The following TRAPPC14 variants were observed in gnomAD, a reference collection of about 807,000 sequenced individuals.
The protein encoded by TRAPPC14 is microtubule associated protein 11.
A neutral mutation model predicts 56.6 loss-of-function variants in TRAPPC14; 24 were observed. The observed-to-expected ratio is 0.42, with a 90% CI of 0.31 to 0.60. The LOEUF is 0.60. Among genes scored for constraint, TRAPPC14 ranks in the 20% least tolerant of loss-of-function variants. TRAPPC14 has a pLI of 0.14. For missense variants in TRAPPC14, 615 were observed against 790.3 expected, an observed-to-expected ratio of 0.78 and a Z score of 2.66; for synonymous variants, 377 against 347.0, an observed-to-expected ratio of 1.09 and a Z score of -0.96.
Position 100,158,070 on chromosome 7 carries a change from G to GT in TRAPPC14, c.411+18dup. ...AAACCGCCCCTCCGTCCTGTGCCAG[G>GT]TCCCCCAAAGCTCCTCACCGTGGTC... On this transcript the variant is annotated intron_variant, in intron 1 of 10. Coordinates refer to ENST00000316937, the MANE Select transcript of TRAPPC14 (RefSeq NM_018275.5). The GT allele has an allele frequency of 6.9e-7, 1 of 1,441,098 alleles. No homozygotes were observed. The highest frequency in any genetic ancestry group is 9.2e-7 in the Non-Finnish European group (1 of 1,089,328). The allele number at this position is 1,441,098 out of a possible 1,614,324, so 89.3% of individuals were successfully genotyped here. A position where few individuals can be genotyped will look rare whatever the true frequency, so the allele number is the denominator to read the frequency against.
chr7:100,155,791 C>A lies in TRAPPC14; in HGVS notation c.1275G>T (p.Met425Ile). The part of the protein sequence containing the change: ...KQLCEEERRA[M>I]QAALDSVVCH... ...AGACGACGGAGTCCAGGGCAGCCTGCATGGCCCGGCGCTCCTCCTCACACA... is the reference window on the plus strand; with the variant it reads ...AGACGACGGAGTCCAGGGCAGCCTGAATGGCCCGGCGCTCCTCCTCACACA... The change falls in exon 9 of 11, where the codon ATG (methionine) becomes ATT (isoleucine). Residue 425 changes from methionine (M) to isoleucine (I), a missense_variant. Physicochemically the swap from Met to Ile is conservative, Grantham distance 10 (BLOSUM62 1). Transcript: ENST00000316937. 1 of 1,614,228 alleles carries A rather than the reference C, an allele frequency of 6.2e-7. No homozygotes were observed. Among genetic ancestry groups the A allele is most frequent in the Non-Finnish European group, 8.5e-7 (1 of 1,180,038 alleles).
chr7:100,158,159 C>A lies in TRAPPC14; in HGVS notation c.341G>T (p.Gly114Val). 12 of 1,460,884 alleles carry A rather than the reference C, an allele frequency of 8.2e-6. No homozygotes were observed. Among genetic ancestry groups the A allele is most frequent in the Non-Finnish European group, 1.1e-5 (12 of 1,114,478 alleles). 90.5% of individuals were successfully genotyped at this position (1,460,884 alleles called of 1,614,324 possible). The change falls in exon 1 of 11, where the codon GGT (glycine) becomes GTT (valine). Residue 114 changes from glycine (G) to valine (V), a missense_variant. By Grantham distance (109) the Gly-to-Val change is moderately radical. Transcript: ENST00000316937. Reference sequence around the variant, plus strand: ...AAGGGGGCTGCAGCCTCGGAACAAACCCCCACCCCCAGGATCCCCTCCCCC... The same window carrying A: ...AAGGGGGCTGCAGCCTCGGAACAAAACCCCACCCCCAGGATCCCCTCCCCC... ...PPGGGDPGGG[G>V]LFRGCSPLLT... is the part of the protein sequence containing the mutation.
Position 100,155,248 on chromosome 7 carries a change from C to G in TRAPPC14, c.1589+14G>C. 6.3e-7 allele frequency: 1 copy of G among 1,580,590 alleles called. No homozygotes were observed. The highest frequency in any genetic ancestry group is 2.3e-5 in the East Asian group (1 of 43,096). Reference sequence around the variant, plus strand: ...CCTCTACCCGGTCCCATGCCACGCCCCCTGGTTCTGTACCTCATGAGGTGG... The same window carrying G: ...CCTCTACCCGGTCCCATGCCACGCCGCCTGGTTCTGTACCTCATGAGGTGG... On this transcript the variant is annotated intron_variant, in intron 10 of 10. Coordinates refer to ENST00000316937, the MANE Select transcript of TRAPPC14 (RefSeq NM_018275.5).
At chr7:100,157,529 C>A in intron 3 of TRAPPC14, 70 bp from the exon 4 acceptor site, 5 of 1,606,754 alleles carry the variant, frequency 3.1e-6, no homozygotes, top group Non-Finnish European at 4.3e-6. Context: ...AGAATTCTCA[C>A]CTTCCTCTTC....
chr7:100,155,433 TTC>T lies in TRAPPC14; in HGVS notation c.1416_1417del (p.Lys473AlafsTer38). 6.5e-7 allele frequency: 1 copy of T among 1,527,954 alleles called. No individual in the cohort carries two copies. Among genetic ancestry groups the T allele is most frequent in the Non-Finnish European group, 8.8e-7 (1 of 1,134,920 alleles). 94.6% of individuals were successfully genotyped at this position (1,527,954 alleles called of 1,614,324 possible). ...GGACACGCTGGCGGTGAACTGCAGC[TTC>T]AGTTTCATGTGCTGGCTTAGCTGGG... On this transcript the variant is annotated frameshift_variant, in exon 10 of 11. Coordinates refer to ENST00000316937, the MANE Select transcript of TRAPPC14 (RefSeq NM_018275.5). LOFTEE classifies it high-confidence loss of function.
Position 100,158,457 on chromosome 7 carries a change from G to T in TRAPPC14, c.43C>A (p.Pro15Thr). The stretch of plus-strand genomic sequence containing the variant: ...GCCAGCTCCGCGCGCGGCGGCAGCG[G>T]CACGGCCGGGAAGTACATCGAGTAG... ...CDYSMYFPAV[P>T]LPPRAELAGD... The change falls in exon 1 of 11, where the codon CCG (proline) becomes ACG (threonine). Residue 15 changes from proline (P) to threonine (T), a missense_variant. Pro to Thr is a conservative substitution (Grantham distance 38, BLOSUM62 -1). Coordinates refer to ENST00000316937, the MANE Select transcript of TRAPPC14 (RefSeq NM_018275.5). 7.2e-7 allele frequency: 1 copy of T among 1,389,406 alleles called. No homozygotes were observed. The highest frequency in any genetic ancestry group is 9.3e-7 in the Non-Finnish European group (1 of 1,074,682). The allele number at this position is 1,389,406 out of a possible 1,614,324, so 86.1% of individuals were successfully genotyped here.
Position 100,155,376 on chromosome 7 carries a change from C to T in TRAPPC14, c.1475G>A (p.Arg492His), listed in dbSNP as rs370447712. Residue 492 changes from arginine (R) to histidine (H), a missense_variant, in exon 10 of 11, where the codon CGC becomes CAC. Arg to His is a conservative substitution (Grantham distance 29, BLOSUM62 0). Coordinates refer to ENST00000316937, the MANE Select transcript of TRAPPC14 (RefSeq NM_018275.5). ...AGCAGGGCTGCTGGGGCTGCTCTTG[C>T]GGGAGAGGGGCCGGGCCTCGGGTGG... ...HPPPEARPLS[R>H]KSSPSSPAVR... is the part of the protein sequence containing the mutation. The T allele has an allele frequency of 2.7e-5, 42 of 1,549,146 alleles. No homozygotes were observed. The highest frequency in any genetic ancestry group is 8.2e-5 in the African/African-American group (6 of 73,056).
chr7:100,157,231 G>T lies in TRAPPC14; in HGVS notation c.725-17C>A. The T allele has an allele frequency of 1.2e-6, 2 of 1,614,112 alleles. No individual in the cohort carries two copies. The highest frequency in any genetic ancestry group is 1.7e-6 in the Non-Finnish European group (2 of 1,180,018). On this transcript the variant is annotated splice_polypyrimidine_tract_variant and intron_variant, in intron 4 of 10. Coordinates refer to ENST00000316937, the MANE Select transcript of TRAPPC14 (RefSeq NM_018275.5). ...TGTTCAGCACTGTGGGAGAGGACCA[G>T]CTTGGCTCAGAATAGCTGGACCCCT...
rs1332755583 is a variant in TRAPPC14, at chr7:100,155,411, C to T, written c.1440G>A (p.Val480=). 1 of 1,541,890 alleles carries T rather than the reference C, an allele frequency of 6.5e-7. No homozygotes were observed. The highest frequency in any genetic ancestry group is 8.8e-7 in the Non-Finnish European group (1 of 1,142,456). ...MKLKLQFTAS[V]SHPPPEARPL... ...GCCGGGCCTCGGGTGGAGGGTGGGACACGCTGGCGGTGAACTGCAGCTTCA... is the reference window on the plus strand; with the variant it reads ...GCCGGGCCTCGGGTGGAGGGTGGGATACGCTGGCGGTGAACTGCAGCTTCA... Residue 480 remains valine, a synonymous_variant, in exon 10 of 11, where the codon GTG becomes GTA. Coordinates refer to ENST00000316937, the MANE Select transcript of TRAPPC14 (RefSeq NM_018275.5).
intron 9 of TRAPPC14, 21 bp downstream of exon 9, chr7:100,155,650 C>G (rs1194002034): frequency 1.3e-6 from 2 of 1,584,836 alleles, no homozygotes; most frequent in Admixed American, 1.7e-5. Flanking sequence ...CAGCACTCAG[C>G]CCAGACCCTC....
intron 3 of TRAPPC14, 58 bp downstream of exon 3, chr7:100,157,574 TC>T: frequency 6.2e-7 from 1 of 1,608,252 alleles, no homozygotes; most frequent in Non-Finnish European, 8.5e-7. Context: ...GTGTGACCCC[TC>T]CCCTCTGTCC....
At position 100,155,666 on chromosome 7, in the gene TRAPPC14, C is replaced by T; in HGVS notation, c.1395+5G>A. The T allele has an allele frequency of 1.3e-6, 2 of 1,594,698 alleles. No individual in the cohort carries two copies. The highest frequency in any genetic ancestry group is 1.7e-6 in the Non-Finnish European group (2 of 1,168,994). On this transcript the variant is annotated splice_donor_5th_base_variant and intron_variant, in intron 9 of 10. Transcript: ENST00000316937. ...AGCACTCAGCCCAGACCCTCCCCAG[C>T]CCACCTCGAAGAGCCCCGTCCTCAG... is the stretch of plus-strand genomic sequence containing the variant.
rs1336057628 is a variant in TRAPPC14 at position 100,154,657 on chromosome 7, A to T, written c.*354T>A. 5 of 316,464 alleles carry T rather than the reference A, an allele frequency of 1.6e-5. No homozygotes were observed. Among genetic ancestry groups the T allele is most frequent in the Non-Finnish European group, 2.4e-5 (4 of 167,222 alleles). The allele number at this position is 316,464 out of a possible 1,614,324, so 19.6% of individuals were successfully genotyped here. On this transcript the variant is annotated 3_prime_UTR_variant, in exon 11 of 11. Transcript: ENST00000316937. ...TCAGCCCTGCGGGAGGGAGGGAGGGAATGTCAGAGGTGGGAAAGAACTCAA... is the reference window on the plus strand; with the variant it reads ...TCAGCCCTGCGGGAGGGAGGGAGGGTATGTCAGAGGTGGGAAAGAACTCAA...
At position 100,157,440 on chromosome 7, in the gene TRAPPC14, C is replaced by G. The variant is rs1283892655; in HGVS notation, c.657G>C (p.Leu219=). ...GGCATCTCAGAACCGGAGGGGGCAG[C>G]AGAGTCAGCAGCGTGCTCACTGCGG... ...FKAQVSTLLT[L]LPPPVLRCRQ... The change falls in exon 4 of 11, where the codon CTG becomes CTC. Residue 219 remains leucine, a synonymous_variant. Coordinates refer to ENST00000316937, the MANE Select transcript of TRAPPC14 (RefSeq NM_018275.5). 6.2e-7 allele frequency: 1 copy of G among 1,613,468 alleles called. No individual in the cohort carries two copies. Among genetic ancestry groups the G allele is most frequent in the African/African-American group, 1.3e-5 (1 of 74,924 alleles).
chr7:100,157,504 C>G, intron 3 of TRAPPC14, 45 bp from the exon 4 acceptor site: 1 of 1,601,690 alleles, frequency 6.2e-7, no homozygotes, highest in South Asian at 1.1e-5. Flanking sequence ...TGGAGGCTGA[C>G]CTCACCTCCA....
chr7:100,155,145 G>A lies in TRAPPC14; in HGVS notation c.1609C>T (p.Arg537Cys), dbSNP rs756636430. The stretch of plus-strand genomic sequence containing the variant: ...GCCACAGGGGGCGTGATGGCTCTGC[G>A]CTCCATCACACTGCCCGACCTGGGG... ...HLMRSGSVME[R>C]RAITPPVASP... Residue 537 changes from arginine to cysteine, a missense_variant, in exon 11 of 11, where the codon CGC becomes TGC. Physicochemically the swap from Arg to Cys is radical, Grantham distance 180 (BLOSUM62 -3). Coordinates refer to ENST00000316937, the MANE Select transcript of TRAPPC14 (RefSeq NM_018275.5). The A allele has an allele frequency of 1.2e-5, 20 of 1,612,070 alleles. No individual in the cohort carries two copies. The highest frequency in any genetic ancestry group is 1.6e-5 in the Non-Finnish European group (19 of 1,179,162).
Position 100,154,535 on chromosome 7 carries a change from G to A in TRAPPC14, c.*476C>T, listed in dbSNP as rs555280457. 6.7e-4 allele frequency: 126 copies of A among 186,984 alleles called. No homozygotes were observed. Among genetic ancestry groups the A allele is most frequent in the Non-Finnish European group, 1.1e-3 (94 of 88,582 alleles). The allele number at this position is 186,984 out of a possible 1,614,324, so 11.6% of individuals were successfully genotyped here. A position where few individuals can be genotyped will look rare whatever the true frequency, so the allele number is the denominator to read the frequency against. On this transcript the variant is annotated 3_prime_UTR_variant, in exon 11 of 11. Coordinates refer to ENST00000316937, the MANE Select transcript of TRAPPC14 (RefSeq NM_018275.5). ...AATTAAAGTGCTTCAGGCTGCAAAC[G>A]TAAACATAAGGGGCAGGAGGCTACC...
chr7:100,157,468 G>C lies in TRAPPC14; in HGVS notation c.638-9C>G, dbSNP rs201881237. The C allele has an allele frequency of 1.7e-4, 271 of 1,610,998 alleles. No individual in the cohort carries two copies. Among genetic ancestry groups the C allele is most frequent in the Non-Finnish European group, 2.1e-4 (251 of 1,178,568 alleles). On this transcript the variant is annotated splice_polypyrimidine_tract_variant and intron_variant, in intron 3 of 10. Transcript: ENST00000316937. ...AGTCAGCAGCGTGCTCACTGCGGGA[G>C]GGGGTGGGGGCAAGAAGTGATGGTC... is the stretch of plus-strand genomic sequence containing the variant.
rs947851745 is a variant in TRAPPC14, at chr7:100,158,680, G to C, written c.-181C>G. 2 of 508,778 alleles carry C rather than the reference G, an allele frequency of 3.9e-6. No individual in the cohort carries two copies. The highest frequency in any genetic ancestry group is 4.4e-5 in the Admixed American group (1 of 22,604). The allele number at this position is 508,778 out of a possible 1,614,324, so 31.5% of individuals were successfully genotyped here. ...ACCCGAACCGAGACCCGGCAGCGCC[G>C]GAACCGGGGTACTGAGCCGAATGAC... On this transcript the variant is annotated 5_prime_UTR_variant, in exon 1 of 11. Transcript: ENST00000316937.
Sources: allele counts gnomAD v4.1 joint callset, GRCh38; gene constraint gnomAD v4.1.1; transcripts MANE v1.5; gene names NCBI Gene and HGNC (gene_info 2026-07-23, HGNC 2026-07-21).